The following KSR2 variants were observed in gnomAD, a reference collection of about 807,000 sequenced individuals.
KSR2 encodes kinase suppressor of ras 2.
In KSR2, 25 loss-of-function variants were observed where a neutral mutation model predicts 107.8. That is an observed-to-expected ratio of 0.23 (90% CI 0.17 to 0.32). KSR2 has a LOEUF of 0.32. KSR2 is among the 10% of genes least tolerant of loss of function. The pLI is 1.00. For missense variants in KSR2, 887 were observed against 1,268.9 expected (o/e 0.70, Z 4.57); for synonymous variants, 480 against 507.0 (o/e 0.95, Z 0.71).
chr12:117,776,478 A>G (rs78262104), intron 3 of KSR2, among the ~76,000 whole-genome samples: 3,649 of 152,260 alleles, frequency 0.024, 49 homozygotes, highest in Middle Eastern at 0.058. Context: ...CCAGACTCAC[A>G]TGGGGCCAGA....
chr12:117,655,245 G>C (rs1049458903), intron 5 of KSR2, among the ~76,000 whole-genome samples: 3 of 152,144 alleles, frequency 2.0e-5, no homozygotes, highest in Non-Finnish European at 2.9e-5. Flanking sequence ...CCACCATCAT[G>C]GTATTCCACA....
At chr12:117,592,224 C>G (rs1240573538) in intron 5 of KSR2, among the ~76,000 whole-genome samples, 1 of 151,544 alleles carries the variant, frequency 6.6e-6, no homozygotes, top group Non-Finnish European at 1.5e-5. Flanking sequence ...AGTGATTCTT[C>G]TGCCTCAGCC....
chr12:117,871,305 C>T (rs1296096847), intron 1 of KSR2, among the ~76,000 whole-genome samples: 1 of 152,066 alleles, frequency 6.6e-6, no homozygotes, highest in Non-Finnish European at 1.5e-5. Flanking sequence ...AATGTCACGC[C>T]AGGCCAAGCG....
At chr12:117,729,860 C>A (rs770731714) in intron 4 of KSR2, among the ~76,000 whole-genome samples, 4 of 152,202 alleles carry the variant, frequency 2.6e-5, no homozygotes, top group Non-Finnish European at 4.4e-5. Context: ...CTAAAACCTG[C>A]TGTATGAAAA....
rs534825699 is a variant in KSR2 at position 117,961,682 on chromosome 12, C to T, written c.180+6394G>A. ...CCTTTCCACCAGCTGAATGTGGCCA[C>T]GAGAGGAGCTCAGGCAAGACCAGCA... is the stretch of plus-strand genomic sequence containing the variant. On this transcript the variant is annotated intron_variant, in intron 1 of 19. Transcript: ENST00000339824. Among the ~76,000 whole-genome samples, 16 of 152,234 alleles carry T rather than the reference C, an allele frequency of 1.1e-4. No homozygotes were observed. In the East Asian group the frequency reaches 1.2e-3, roughly 11 times the overall value.
chr12:117,614,457 C>T (rs1881766275), intron 5 of KSR2, among the ~76,000 whole-genome samples: 3 of 152,236 alleles, frequency 2.0e-5, no homozygotes, highest in South Asian at 4.1e-4. Flanking sequence ...TTTGTTTGGG[C>T]TAAATGGAAA....
At chr12:117,762,681 A>G (rs1212755315) in intron 3 of KSR2, among the ~76,000 whole-genome samples, 2 of 152,098 alleles carry the variant, frequency 1.3e-5, no homozygotes, top group Admixed American at 6.6e-5. Context: ...CCTGGCCAAC[A>G]TGGTGAAACT....
chr12:117,685,031 C>T (rs1224565804), intron 4 of KSR2, among the ~76,000 whole-genome samples: 2 of 152,126 alleles, frequency 1.3e-5, no homozygotes, highest in Non-Finnish European at 2.9e-5. Context: ...TGGTCTCAGC[C>T]AGTTCTTTAA....
intron 3 of KSR2, among the ~76,000 whole-genome samples, chr12:117,845,979 C>T (rs1444138995): frequency 1.3e-5 from 2 of 151,694 alleles, no homozygotes; most frequent in Non-Finnish European, 2.9e-5. Flanking sequence ...CGTGAACCAC[C>T]GCACCCACCC....
Position 117,483,273 on chromosome 12 carries a change from T to C in KSR2, c.2450+1143A>G, listed in dbSNP as rs532325522. 2.7e-3 allele frequency among the ~76,000 whole-genome samples: 408 copies of C among 152,216 alleles called. 3 individuals carry two copies. Among genetic ancestry groups the C allele is most frequent in the African/African-American group, 9.2e-3 (382 of 41,522 alleles). On this transcript the variant is annotated intron_variant, in intron 16 of 19. Transcript: ENST00000339824. ...CACACAGAAACAGCTACATGAAGTT[T>C]TGTCAAACTCCAAATGGTCCAACTT... is the stretch of plus-strand genomic sequence containing the variant.
At chr12:117,798,673 A>G (rs1251968083) in intron 3 of KSR2, among the ~76,000 whole-genome samples, 2 of 149,430 alleles carry the variant, frequency 1.3e-5, no homozygotes, top group Admixed American at 6.8e-5. Flanking sequence ...CTAAAGAAAT[A>G]GAGGAGGAGG....
chr12:117,905,271 G>A (rs1368906003), intron 1 of KSR2, among the ~76,000 whole-genome samples: 1 of 152,138 alleles, frequency 6.6e-6, no homozygotes, highest in Non-Finnish European at 1.5e-5. Flanking sequence ...TTAAAAAAAC[G>A]TGTATTCAAG....
intron 1 of KSR2, 81 bp from the exon 2 acceptor site, chr12:117,860,512 C>T (rs1459183386): frequency 7.2e-7 from 1 of 1,385,866 alleles, no homozygotes; most frequent in Non-Finnish European, 9.7e-7. Context: ...CCCTACGAAC[C>T]CCCACCCTAA....
At chr12:117,567,240 G>A (rs533982301) in intron 7 of KSR2, among the ~76,000 whole-genome samples, 3 of 152,324 alleles carry the variant, frequency 2.0e-5, no homozygotes, top group East Asian at 3.9e-4. Context: ...GGAAGTGGTG[G>A]CTGAGCTGAG....
chr12:117,858,152 A>G (rs1893162267), intron 2 of KSR2, among the ~76,000 whole-genome samples: 1 of 152,208 alleles, frequency 6.6e-6, no homozygotes, highest in South Asian at 2.1e-4. Context: ...CTGACATCAT[A>G]TTAACCAAAC....
chr12:117,695,814 AAG>A (rs2136594289), intron 4 of KSR2, among the ~76,000 whole-genome samples: 1 of 152,260 alleles, frequency 6.6e-6, no homozygotes, highest in African/African-American at 2.4e-5. Context: ...AATGGGGAAA[AAG>A]AGTCCTGTGG....
intron 1 of KSR2, among the ~76,000 whole-genome samples, chr12:117,927,388 C>CA (rs55995726): frequency 1.2e-4 from 16 of 137,668 alleles, no homozygotes; most frequent in Admixed American, 2.2e-4. Flanking sequence ...AAAATAACAA[C>CA]AAAAAAAAAA....
rs1400701875 is a variant in KSR2 at position 117,456,163 on chromosome 12, CAA to C, written c.*11034_*11035del. The C allele has an allele frequency of 2.0e-5, 3 of 152,378 alleles. No homozygotes were observed. Among genetic ancestry groups the C allele is most frequent in the Non-Finnish European group, 2.9e-5 (2 of 68,216 alleles). The allele number at this position is 152,378 out of a possible 1,614,324, so 9.4% of individuals were successfully genotyped here. ...CGAAAAGAAGGAAGAAGGAGCCAGG[CAA>C]AGATTTATGCATCACACAGTTGGGC... On this transcript the variant is annotated 3_prime_UTR_variant, in exon 20 of 20. Coordinates refer to ENST00000339824, the MANE Select transcript of KSR2 (RefSeq NM_173598.6).
At chr12:117,829,339 A>G (rs1300445801) in intron 3 of KSR2, among the ~76,000 whole-genome samples, 1 of 152,062 alleles carries the variant, frequency 6.6e-6, no homozygotes, top group Non-Finnish European at 1.5e-5. Context: ...TTCACTCTAA[A>G]GGCTTCCCTA....
Sources: gnomAD v4.1 joint callset for allele counts (sites outside exome capture counted in the v4.1 genomes callset) on GRCh38, gnomAD v4.1.1 for gene constraint, MANE v1.5 for transcripts, NCBI Gene and HGNC (gene_info 2026-07-23, HGNC 2026-07-21) for gene names.